PPP1R9A: variants seen among roughly 807,000 people sequenced by gnomAD.
PPP1R9A encodes the protein protein phosphatase 1 regulatory subunit 9A.
A neutral mutation model predicts 141.9 loss-of-function variants in PPP1R9A; 59 were observed. The observed-to-expected ratio is 0.42, with a 90% CI of 0.34 to 0.52. The LOEUF (loss-of-function observed/expected upper bound fraction) is 0.52. PPP1R9A is among the 20% of genes least tolerant of loss of function. The probability of loss-of-function intolerance (pLI) is 0.10; values close to 1 mark genes in which losing one functional copy is unlikely to be tolerated. For missense variants in PPP1R9A, 1,444 were observed against 1,611.9 expected, an observed-to-expected ratio of 0.90 and a Z score of 1.78; for synonymous variants, 500 against 569.7, an observed-to-expected ratio of 0.88 and a Z score of 1.74.
intron 4 of PPP1R9A, among the ~76,000 whole-genome samples, chr7:95,137,582 C>T (rs912518020): frequency 2.0e-5 from 3 of 152,208 alleles, no homozygotes; most frequent in Non-Finnish European, 4.4e-5. Context: ...TGGAAACATA[C>T]ATGATGTTTG....
intron 2 of PPP1R9A, among the ~76,000 whole-genome samples, chr7:94,955,309 A>G (rs1029480113): frequency 6.6e-6 from 1 of 152,128 alleles, no homozygotes; most frequent in South Asian, 2.1e-4. Flanking sequence ...ATAAAATTTT[A>G]CTTCTTAAAA....
chr7:95,144,701 A>G (rs1827298242), intron 4 of PPP1R9A, among the ~76,000 whole-genome samples: 1 of 152,196 alleles, frequency 6.6e-6, no homozygotes, highest in Non-Finnish European at 1.5e-5. Context: ...TACTCTTGCC[A>G]CTTATCAACA....
intron 2 of PPP1R9A, among the ~76,000 whole-genome samples, chr7:95,020,678 C>T (rs1293315628): frequency 6.6e-6 from 1 of 152,132 alleles, no homozygotes; most frequent in Non-Finnish European, 1.5e-5. Flanking sequence ...CATTGTTCAG[C>T]TCCCACTTAT....
intron 2 of PPP1R9A, among the ~76,000 whole-genome samples, chr7:95,072,660 TATATTATATATTATATTAC>T (rs1485031515): frequency 2.4e-5 from 3 of 122,762 alleles, no homozygotes; most frequent in African/African-American, 6.1e-5. Context: ...TTATAAAATA[TATATTATATATTATATTAC>T]ATATTATATA....
At chr7:95,203,515 A>AT (rs2152878403) in intron 6 of PPP1R9A, 150 bp from the exon 7 acceptor site, 2 of 507,890 alleles carry the variant, frequency 3.9e-6, no homozygotes, top group Non-Finnish European at 6.8e-6. Context: ...GAGTGTGGGC[A>AT]TTTTTTACCA....
chr7:94,921,434 T>G (rs868468429), intron 2 of PPP1R9A, among the ~76,000 whole-genome samples: 23 of 145,070 alleles, frequency 1.6e-4, no homozygotes, highest in South Asian at 6.6e-4. Flanking sequence ...GCGACAGAGC[T>G]AGACTCCGGC....
At chr7:95,012,303 G>A (rs1054931342) in intron 2 of PPP1R9A, among the ~76,000 whole-genome samples, 2 of 152,028 alleles carry the variant, frequency 1.3e-5, no homozygotes, top group Non-Finnish European at 2.9e-5. Flanking sequence ...CAGAATAGGA[G>A]GAACAGGGAG....
intron 5 of PPP1R9A, among the ~76,000 whole-genome samples, chr7:95,193,506 T>C (rs1835813802): frequency 6.6e-6 from 1 of 152,074 alleles, no homozygotes; most frequent in Non-Finnish European, 1.5e-5. Flanking sequence ...AACTTTCTTA[T>C]GCAGTATGGA....
At chr7:95,178,661 C>G (rs1833254905) in intron 5 of PPP1R9A, among the ~76,000 whole-genome samples, 1 of 151,898 alleles carries the variant, frequency 6.6e-6, no homozygotes, top group Non-Finnish European at 1.5e-5. Context: ...GAGAGAAAAT[C>G]CAAATAACCT....
intron 2 of PPP1R9A, among the ~76,000 whole-genome samples, chr7:94,967,697 C>T (rs906244555): frequency 1.3e-5 from 2 of 151,462 alleles, no homozygotes; most frequent in South Asian, 2.1e-4. Context: ...TGCAGTGGTG[C>T]GATCCTGGCT....
intron 2 of PPP1R9A, among the ~76,000 whole-genome samples, chr7:95,088,003 CAGAG>C (rs1816859946): frequency 6.6e-6 from 1 of 151,210 alleles, no homozygotes; most frequent in South Asian, 2.1e-4. Flanking sequence ...AAGAGTGTGT[CAGAG>C]AGAAGATGGG....
chr7:95,000,900 A>G (rs543880255), intron 2 of PPP1R9A, among the ~76,000 whole-genome samples: 1 of 152,342 alleles, frequency 6.6e-6, no homozygotes, highest in African/African-American at 2.4e-5. Context: ...GTTAAAGAGA[A>G]TGAAAAGGAA....
At position 95,286,207 on chromosome 7, in the gene PPP1R9A, A is replaced by G. The variant is rs1563564869; in HGVS notation, c.3611A>G (p.Asn1204Ser). Residue 1204 changes from asparagine to serine, a missense_variant and splice_region_variant, in exon 18 of 20, where the codon AAT (asparagine) becomes AGT (serine). Asn to Ser is a conservative substitution (Grantham distance 46). Transcript: ENST00000433360. ...ACTGAGCTTCATTTATTTTTACAGAATTTTACCTTCAATGATGACTTCAGT... is the reference window on the plus strand; with the variant it reads ...ACTGAGCTTCATTTATTTTTACAGAGTTTTACCTTCAATGATGACTTCAGT... ...MSVVWIQETN[N>S]FTFNDDFSPS... 8.7e-6 allele frequency: 14 copies of G among 1,612,678 alleles called. No homozygotes were observed. Among genetic ancestry groups the G allele is most frequent in the Non-Finnish European group, 1.2e-5 (14 of 1,179,138 alleles).
In PPP1R9A at chr7:95,135,386, C is replaced by G. The variant is rs1825460257; in HGVS notation, c.1649+14554C>G. Among the ~76,000 whole-genome samples, 6 of 152,156 alleles carry G rather than the reference C, an allele frequency of 3.9e-5. No homozygotes were observed. The South Asian group carries it at 1.2e-3, about 32-fold the overall frequency. On this transcript the variant is annotated intron_variant, in intron 4 of 19. Transcript: ENST00000433360. ...TATTATTTTCCCTATTTATATTTTT[C>G]CAGCATTTTTGCTATCTTTCTTCTG...
intron 2 of PPP1R9A, among the ~76,000 whole-genome samples, chr7:95,072,585 ATT>A (rs1174388798): frequency 1.5e-5 from 2 of 134,716 alleles, no homozygotes; most frequent in Admixed American, 8.9e-5. Context: ...ATTATAGGAA[ATT>A]TTAAGTATAT....
intron 2 of PPP1R9A, among the ~76,000 whole-genome samples, chr7:94,993,509 T>C (rs1563092906): frequency 2.0e-5 from 3 of 152,182 alleles, no homozygotes; most frequent in African/African-American, 7.2e-5. Flanking sequence ...CTTAGCAATA[T>C]GGAGTTTTTG....
At position 95,195,604 on chromosome 7, in the gene PPP1R9A, TA is replaced by T. The variant is rs368530754; in HGVS notation, c.1755-2744del. On this transcript the variant is annotated intron_variant, in intron 5 of 19. Transcript: ENST00000433360. ...GAATATTTATAACAAAGTGATAAAT[TA>T]GACTTCCTTGAGAGATACAATTTAA... is the stretch of plus-strand genomic sequence containing the variant. 3.0e-3 allele frequency among the ~76,000 whole-genome samples: 455 copies of T among 152,054 alleles called. 2 individuals are homozygous for T. The highest frequency in any genetic ancestry group is 9.5e-3 in the African/African-American group (392 of 41,480).
rs968227968 is a variant in PPP1R9A at position 95,292,494 on chromosome 7, A to C, written c.*2191A>C. 6.6e-6 allele frequency: 1 copy of C among 152,574 alleles called. No homozygotes were observed. The highest frequency in any genetic ancestry group is 2.4e-5 in the African/African-American group (1 of 41,448). The allele number at this position is 152,574 out of a possible 1,614,324, so 9.5% of individuals were successfully genotyped here. A position where few individuals can be genotyped will look rare whatever the true frequency, so the allele number is the denominator to read the frequency against. On this transcript the variant is annotated 3_prime_UTR_variant, in exon 20 of 20. Transcript: ENST00000433360. ...ATTTGAAAATGGATGTATATACTGG[A>C]AATGTCTGTAAGTGTCTTGTTTTTG...
intron 6 of PPP1R9A, among the ~76,000 whole-genome samples, chr7:95,200,005 C>T (rs1414922403): frequency 2.6e-5 from 4 of 151,814 alleles, no homozygotes; most frequent in African/African-American, 7.3e-5. Flanking sequence ...GGGACATGGC[C>T]AGGCTTTCTA....
Sources: gnomAD v4.1 joint callset for allele counts (sites outside exome capture counted in the v4.1 genomes callset) on GRCh38, gnomAD v4.1.1 for gene constraint, MANE v1.5 for transcripts, NCBI Gene and HGNC (gene_info 2026-07-23, HGNC 2026-07-21) for gene names.